The following TRMT1 variants were observed in gnomAD, a reference collection of about 807,000 sequenced individuals.
TRMT1 encodes the protein tRNA methyltransferase 1.
Under a neutral mutation model 75.4 loss-of-function variants are expected in TRMT1, and 63 were observed. The ratio of observed to expected loss-of-function variants is 0.84; its 90% CI spans 0.68 to 1.03. The LOEUF (loss-of-function observed/expected upper bound fraction) is 1.03. Ranked by LOEUF, TRMT1 falls within the 50% of genes least tolerant of loss-of-function variation. The probability of loss-of-function intolerance (pLI) is 0.00; values close to 1 mark genes in which losing one functional copy is unlikely to be tolerated. For synonymous variants in TRMT1, 382 were observed against 358.1 expected (o/e 1.07, Z -0.75); for missense variants, 870 against 905.3 (o/e 0.96, Z 0.50).
chr19:13,109,474 G>A lies in TRMT1; in HGVS notation c.1312-8C>T. On this transcript the variant is annotated splice_polypyrimidine_tract_variant and splice_region_variant and intron_variant, in intron 11 of 16. Transcript: ENST00000357720. ...AGGCACGTCCGGGAGCTCCTGCGAT[G>A]GGGGACAGGATGGGCATGAGTGGAG... 1 of 1,614,014 alleles carries A rather than the reference G, an allele frequency of 6.2e-7. No homozygotes were observed. Among genetic ancestry groups the A allele is most frequent in the Non-Finnish European group, 8.5e-7 (1 of 1,179,998 alleles).
Position 13,115,774 on chromosome 19 carries a change from G to A in TRMT1, c.311-6C>T, listed in dbSNP as rs764392631. ...CTTCTCTCCTGGAACCTTGACTGCA[G>A]CCACCCAGAGGCACAAGTCAGAGAA... is the stretch of plus-strand genomic sequence containing the variant. On this transcript the variant is annotated splice_region_variant and splice_polypyrimidine_tract_variant and intron_variant, in intron 3 of 16. Transcript: ENST00000357720. The A allele has an allele frequency of 7.4e-6, 12 of 1,613,986 alleles. No individual in the cohort carries two copies. In the East Asian group the frequency reaches 2.0e-4, roughly 27 times the overall value.
chr19:13,107,671 T>G, intron 13 of TRMT1, 21 bp from the exon 14 acceptor site: 2 of 1,594,818 alleles, frequency 1.3e-6, no homozygotes, highest in South Asian at 2.3e-5. Flanking sequence ...AGGTCAGAGG[T>G]TAGGGAATAC....
intron 12 of TRMT1, among the ~76,000 whole-genome samples, chr19:13,108,460 T>A (rs1302283219): frequency 6.6e-6 from 1 of 151,404 alleles, no homozygotes; most frequent in Non-Finnish European, 1.5e-5. Flanking sequence ...CTGGCTAATA[T>A]TTTGGTATTT....
intron 14 of TRMT1, 25 bp from the exon 15 acceptor site, chr19:13,105,631 G>A (rs758115253): frequency 6.3e-7 from 1 of 1,599,192 alleles, no homozygotes; most frequent in Non-Finnish European, 8.5e-7. Flanking sequence ...GTGGGGCGTT[G>A]GGGCTGGGGG....
chr19:13,113,176 T>C (rs1392894130), intron 5 of TRMT1, among the ~76,000 whole-genome samples, 165 bp from the exon 6 acceptor site: 3 of 152,108 alleles, frequency 2.0e-5, no homozygotes, highest in Non-Finnish European at 4.4e-5. Context: ...TATTTTATTT[T>C]TGAGTCGGAG....
At chr19:13,114,975 C>T (rs967568779) in intron 5 of TRMT1, among the ~76,000 whole-genome samples, 3 of 152,182 alleles carry the variant, frequency 2.0e-5, no homozygotes, top group African/African-American at 7.2e-5. Context: ...GAAAACGGTG[C>T]CTGACACATA....
At chr19:13,116,101 C>G in intron 2 of TRMT1, 45 bp downstream of exon 2, 1 of 1,613,996 alleles carries the variant, frequency 6.2e-7, no homozygotes, top group Non-Finnish European at 8.5e-7. Context: ...GCCATCCACA[C>G]TGACCCACTA....
intron 7 of TRMT1, among the ~76,000 whole-genome samples, chr19:13,110,763 C>T (rs1419256492): frequency 3.3e-5 from 5 of 152,084 alleles, no homozygotes; most frequent in Admixed American, 3.3e-4. Flanking sequence ...GCCTGGCTAA[C>T]ATGATGAAAT....
rs1185252966 is a variant in TRMT1 at position 13,116,653 on chromosome 19, C to T, written c.-33G>A. 7.4e-6 allele frequency: 4 copies of T among 542,746 alleles called. No homozygotes were observed. In the African/African-American group the frequency reaches 7.5e-5, roughly 10 times the overall value. 33.6% of individuals were successfully genotyped at this position (542,746 alleles called of 1,614,324 possible). ...CCCGCGCTGCCTAGCCCGTCCTCAC[C>T]TGCTCTCGTAGCCACAGAAAACCGA... On this transcript the variant is annotated splice_region_variant and 5_prime_UTR_variant, in exon 1 of 17. Transcript: ENST00000357720.
At chr19:13,105,245 G>C (rs2018799879) in intron 16 of TRMT1, 22 bp downstream of exon 16, 1 of 1,606,904 alleles carries the variant, frequency 6.2e-7, no homozygotes. Flanking sequence ...CTGCAGTGGA[G>C]GAAAGGGAGG....
In TRMT1 at chr19:13,105,298, A is replaced by T. The variant is rs765024858; in HGVS notation, c.1802T>A (p.Leu601His). 1.1e-5 allele frequency: 18 copies of T among 1,613,952 alleles called. No homozygotes were observed. Among genetic ancestry groups the T allele is most frequent in the Non-Finnish European group, 1.4e-5 (16 of 1,179,994 alleles). The change falls in exon 16 of 17, where the codon CTC (leucine) becomes CAC (histidine). Residue 601 changes from leucine to histidine, a missense_variant. Physicochemically the swap from Leu to His is moderately conservative, Grantham distance 99 (BLOSUM62 -3). Transcript: ENST00000357720. ...AAACCTCTTGCAAGGAAATGTCTTG[A>T]GCCGGGCAGCCCGCTGGGCCACATC... ...PEDVAQRAARLKTFPCKRFKE... is the reference protein window; with the variant it reads ...PEDVAQRAARHKTFPCKRFKE...
intron 14 of TRMT1, among the ~76,000 whole-genome samples, chr19:13,106,534 G>C (rs2018876914): frequency 6.6e-6 from 1 of 152,006 alleles, no homozygotes; most frequent in Non-Finnish European, 1.5e-5. Context: ...CTGGAGTGCA[G>C]TGGTGCGATC....
Position 13,105,034 on chromosome 19 carries a change from C to T in TRMT1, c.1881G>A (p.Pro627=), listed in dbSNP as rs368586523. 3.7e-6 allele frequency: 6 copies of T among 1,609,818 alleles called. No individual in the cohort carries two copies. In the African/African-American group the frequency reaches 5.3e-5, roughly 14 times the overall value. ...GDQCCYSHSP[P]TPRVSADAAP... Reference sequence around the variant, plus strand: ...CAGCATCAGCAGAAACCCTGGGTGTCGGGGGGCTGTGGGAGTAGCAGCACT... The same window carrying T: ...CAGCATCAGCAGAAACCCTGGGTGTTGGGGGGCTGTGGGAGTAGCAGCACT... Residue 627 remains proline, a synonymous_variant, in exon 17 of 17, where the codon CCG becomes CCA. Coordinates refer to ENST00000357720, the MANE Select transcript of TRMT1 (RefSeq NM_001136035.4).
At chr19:13,106,410 T>C (rs2018870495) in intron 14 of TRMT1, among the ~76,000 whole-genome samples, 2 of 152,202 alleles carry the variant, frequency 1.3e-5, no homozygotes, top group Admixed American at 6.5e-5. Flanking sequence ...GTGCCTGCAT[T>C]GTTCTCAGTG....
Position 13,115,487 on chromosome 19 carries a change from C to A in TRMT1, c.454-21G>T, listed in dbSNP as rs183184247. On this transcript the variant is annotated intron_variant, in intron 4 of 16. Coordinates refer to ENST00000357720, the MANE Select transcript of TRMT1 (RefSeq NM_001136035.4). ...CCTTCCTGTTGGAGTAAGCAGAAAA[C>A]CTCCCTCACATCTCCACCTCCATCC... is the stretch of plus-strand genomic sequence containing the variant. 2.9e-4 allele frequency: 461 copies of A among 1,606,548 alleles called. 3 individuals are homozygous for A. The African/African-American group carries it at 5.6e-3, about 19-fold the overall frequency.
intron 3 of TRMT1, 52 bp downstream of exon 3, chr19:13,115,945 G>A (rs775364189): frequency 2.5e-6 from 4 of 1,613,336 alleles, no homozygotes; most frequent in Non-Finnish European, 3.4e-6. Context: ...GCCCAGGCAG[G>A]GAGATAAACT....
chr19:13,105,460 C>T lies in TRMT1; in HGVS notation c.1703+27G>A, dbSNP rs773023983. 5 of 1,613,768 alleles carry T rather than the reference C, an allele frequency of 3.1e-6. No homozygotes were observed. The African/African-American group carries it at 5.3e-5, about 17-fold the overall frequency. ...TTTACCCCTTCTTTCCCTGGCTGAG[C>T]CCCACCCCCACCTTACCACCACTCA... On this transcript the variant is annotated intron_variant, in intron 15 of 16. Coordinates refer to ENST00000357720, the MANE Select transcript of TRMT1 (RefSeq NM_001136035.4).
rs552583718 is a variant in TRMT1, at chr19:13,105,079, G to A, written c.1836C>T (p.Gly612=). 2 of 1,583,038 alleles carry A rather than the reference G, an allele frequency of 1.3e-6. No individual in the cohort carries two copies. The highest frequency in any genetic ancestry group is 1.7e-4 in the Middle Eastern group (1 of 5,888). Residue 612 remains glycine (G), a splice_region_variant and synonymous_variant, in exon 17 of 17, where the codon GGC becomes GGT. Transcript: ENST00000357720. ...AGCACTGGTCCCCGCGTTGACAGGT[G>A]CCCTGGTGGGAAGATGGTGGGTGTG... is the stretch of plus-strand genomic sequence containing the variant. ...KTFPCKRFKE[G]TCQRGDQCCY...
At chr19:13,110,422 C>A in intron 7 of TRMT1, 116 bp from the exon 8 acceptor site, 1 of 1,251,360 alleles carries the variant, frequency 8.0e-7, no homozygotes, top group Non-Finnish European at 1.1e-6. Flanking sequence ...TCCAAGCCCA[C>A]CCCTGAAAGT....
Sources: gnomAD v4.1 joint callset for allele counts (sites outside exome capture counted in the v4.1 genomes callset) on GRCh38, gnomAD v4.1.1 for gene constraint, MANE v1.5 for transcripts, NCBI Gene and HGNC (gene_info 2026-07-23, HGNC 2026-07-21) for gene names.